The following TMTC2 variants were observed in gnomAD, a reference collection of about 807,000 sequenced individuals.
The protein encoded by TMTC2 is protein O-mannosyl-transferase TMTC2.
A neutral mutation model predicts 82.4 loss-of-function variants in TMTC2; 43 were observed. That is an observed-to-expected ratio of 0.52 (90% CI 0.41 to 0.67). The LOEUF (loss-of-function observed/expected upper bound fraction) is 0.67, where lower values mean the gene tolerates loss of function less well. Ranked by LOEUF, TMTC2 falls within the 30% of genes least tolerant of loss-of-function variation. TMTC2 has a pLI of 0.00. For missense variants in TMTC2, 919 were observed against 1,012.4 expected, an observed-to-expected ratio of 0.91 and a Z score of 1.25; for synonymous variants, 408 against 381.9, an observed-to-expected ratio of 1.07 and a Z score of -0.80.
intron 7 of TMTC2, among the ~76,000 whole-genome samples, chr12:82,978,745 C>T (rs1878791693): frequency 6.6e-6 from 1 of 151,730 alleles, no homozygotes; most frequent in Non-Finnish European, 1.5e-5. Context: ...TCTTTGTTGA[C>T]TTTCTATTTG....
intron 11 of TMTC2, among the ~76,000 whole-genome samples, chr12:83,065,483 T>C (rs1023563956): frequency 2.6e-5 from 4 of 151,954 alleles, no homozygotes; most frequent in Non-Finnish European, 5.9e-5. Context: ...AGTCTATTTA[T>C]TACAAAATGA....
At chr12:82,872,729 T>C (rs1872266136) in intron 2 of TMTC2, among the ~76,000 whole-genome samples, 1 of 152,142 alleles carries the variant, frequency 6.6e-6, no homozygotes, top group Admixed American at 6.6e-5. Context: ...GCAGACTCTC[T>C]TGTGTGGGTT....
rs777761424 is a variant in TMTC2 at position 82,965,578 on chromosome 12, G to C, written c.1703G>C (p.Gly568Ala). 2 of 1,613,366 alleles carry C rather than the reference G, an allele frequency of 1.2e-6. No homozygotes were observed. The highest frequency in any genetic ancestry group is 1.7e-6 in the Non-Finnish European group (2 of 1,179,616). ...PTLASAYLNT[G>A]IILMNQGRTE... ...CCCTCAGCTGCATATTTAAATACCG[G>C]TATTATTCTAATGAACCAAGGAAGG... Residue 568 changes from glycine to alanine, a missense_variant, in exon 6 of 12, where the codon GGT (glycine) becomes GCT (alanine). Gly to Ala is a moderately conservative substitution (Grantham distance 60, BLOSUM62 0). Transcript: ENST00000321196.
intron 1 of TMTC2, among the ~76,000 whole-genome samples, chr12:82,850,725 T>C (rs1415256433): frequency 1.3e-5 from 2 of 152,134 alleles, no homozygotes; most frequent in African/African-American, 4.8e-5. Context: ...TAGTGAAATA[T>C]TCATGACCAT....
intron 1 of TMTC2, among the ~76,000 whole-genome samples, chr12:82,777,028 G>T (rs1443553547): frequency 6.6e-6 from 1 of 152,166 alleles, no homozygotes; most frequent in African/African-American, 2.4e-5. Context: ...TGCCCTGTTT[G>T]TCTGAGTTGC....
intron 1 of TMTC2, among the ~76,000 whole-genome samples, chr12:82,705,049 G>A (rs1410937749): frequency 6.6e-6 from 1 of 152,206 alleles, no homozygotes; most frequent in Non-Finnish European, 1.5e-5. Context: ...TGACCTGGAT[G>A]AGATTGGAGA....
chr12:83,057,580 T>A (rs901878610), intron 10 of TMTC2, among the ~76,000 whole-genome samples: 3 of 151,976 alleles, frequency 2.0e-5, no homozygotes, highest in Non-Finnish European at 4.4e-5. Context: ...GTTCCTACTG[T>A]ATAACATATC....
chr12:83,095,569 G>C (rs566087135), intron 11 of TMTC2, among the ~76,000 whole-genome samples: 10 of 152,224 alleles, frequency 6.6e-5, no homozygotes, highest in African/African-American at 2.2e-4. Flanking sequence ...ACTTTCAGAA[G>C]GATAGAGTTG....
At chr12:82,914,077 T>C (rs1175061179) in intron 3 of TMTC2, among the ~76,000 whole-genome samples, 1 of 152,220 alleles carries the variant, frequency 6.6e-6, no homozygotes, top group Non-Finnish European at 1.5e-5. Context: ...CTGCTTGTCC[T>C]GTACCAGCAA....
In TMTC2 at chr12:83,048,940, A is replaced by T. The variant is rs1882244310; in HGVS notation, c.2153-1964A>T. ...TGCCTTGGCCTCCCAAAGTGCTGGG[A>T]TTACAGGCGTGAGCCACTGCGTCCA... is the stretch of plus-strand genomic sequence containing the variant. On this transcript the variant is annotated intron_variant, in intron 9 of 11. Transcript: ENST00000321196. 2.6e-5 allele frequency among the ~76,000 whole-genome samples: 4 copies of T among 152,164 alleles called. 1 individual carries two copies. In the South Asian group the frequency reaches 8.3e-4, roughly 32 times the overall value.
At chr12:82,811,769 T>A (rs562310041) in intron 1 of TMTC2, among the ~76,000 whole-genome samples, 71 of 151,438 alleles carry the variant, frequency 4.7e-4, no homozygotes, top group Admixed American at 2.3e-3. Context: ...TACATTTTTT[T>A]AAGATTTATT....
intron 8 of TMTC2, among the ~76,000 whole-genome samples, chr12:83,011,835 G>A (rs558210824): frequency 4.5e-4 from 69 of 152,248 alleles, no homozygotes; most frequent in African/African-American, 1.6e-3. Context: ...ATACTGAATT[G>A]TAACACATTA....
At chr12:82,984,152 C>A (rs1443580159) in intron 7 of TMTC2, among the ~76,000 whole-genome samples, 4 of 151,846 alleles carry the variant, frequency 2.6e-5, no homozygotes, top group African/African-American at 4.8e-5. Context: ...TTTCTTTTGT[C>A]TTTCCTTAGA....
At chr12:82,742,205 T>C (rs1379186206) in intron 1 of TMTC2, among the ~76,000 whole-genome samples, 1 of 152,140 alleles carries the variant, frequency 6.6e-6, no homozygotes, top group African/African-American at 2.4e-5. Context: ...TGTGTCTGCA[T>C]CCTTATGACC....
chr12:82,828,641 C>T (rs547589510), intron 1 of TMTC2, among the ~76,000 whole-genome samples: 1 of 152,246 alleles, frequency 6.6e-6, no homozygotes, highest in South Asian at 2.1e-4. Flanking sequence ...AAAGAAACAT[C>T]ATAAAAGGTT....
intron 3 of TMTC2, among the ~76,000 whole-genome samples, chr12:82,908,816 T>C (rs983673310): frequency 6.6e-6 from 1 of 152,142 alleles, no homozygotes; most frequent in African/African-American, 2.4e-5. Flanking sequence ...TTTTTTCCTG[T>C]TGATTTAATT....
intron 9 of TMTC2, among the ~76,000 whole-genome samples, chr12:83,042,097 G>A (rs1277199312): frequency 6.6e-6 from 1 of 152,148 alleles, no homozygotes; most frequent in Non-Finnish European, 1.5e-5. Context: ...ACTATTCTGT[G>A]CTTTGCTTGA....
At chr12:82,881,994 A>ATTTTTTTT (rs869127384) in intron 2 of TMTC2, among the ~76,000 whole-genome samples, 3 of 107,268 alleles carry the variant, frequency 2.8e-5, no homozygotes, top group Non-Finnish European at 3.6e-5. Flanking sequence ...TGTTGTTAAG[A>ATTTTTTTT]TTTTTTTTTT....
chr12:82,816,192 G>T (rs1400266109), intron 1 of TMTC2, among the ~76,000 whole-genome samples: 4 of 149,676 alleles, frequency 2.7e-5, no homozygotes, highest in South Asian at 2.1e-4. Flanking sequence ...AACAGTGAAG[G>T]TTCCTATTTA....
Sources: gnomAD v4.1 joint callset for allele counts (sites outside exome capture counted in the v4.1 genomes callset) on GRCh38, gnomAD v4.1.1 for gene constraint, MANE v1.5 for transcripts, NCBI Gene and HGNC (gene_info 2026-07-23, HGNC 2026-07-21) for gene names.